Variants in MYCBP2 observed in about 807,000 individuals in gnomAD.
The protein encoded by MYCBP2 is MYC binding protein 2.
A neutral mutation model predicts 525.3 loss-of-function variants in MYCBP2; 120 were observed. The ratio of observed to expected loss-of-function variants is 0.23; its 90% CI spans 0.20 to 0.27. The LOEUF (loss-of-function observed/expected upper bound fraction) is 0.27, where lower values mean the gene tolerates loss of function less well. Ranked by LOEUF, MYCBP2 falls within the 10% of genes least tolerant of loss-of-function variation. The probability of loss-of-function intolerance (pLI) is 1.00; values close to 1 mark genes in which losing one functional copy is unlikely to be tolerated. For missense variants in MYCBP2, 4,149 were observed against 5,657.1 expected (o/e 0.73, Z 8.55); for synonymous variants, 1,894 against 1,955.8 (o/e 0.97, Z 0.83).
At chr13:77,138,675 A>G in intron 52 of MYCBP2, among the ~76,000 whole-genome samples, 1 of 152,200 alleles carries the variant, frequency 6.6e-6, no homozygotes, top group East Asian at 1.9e-4. Context: ...TCTCTCAAAG[A>G]CTAGGATTTA....
intron 55 of MYCBP2, among the ~76,000 whole-genome samples, chr13:77,108,879 ATTT>A (rs1303106280): frequency 6.6e-6 from 1 of 151,812 alleles, no homozygotes; most frequent in Non-Finnish European, 1.5e-5. Context: ...AATTTTTTGT[ATTT>A]TTAGTAGAGA....
At chr13:77,057,870 G>A (rs978991564) in intron 78 of MYCBP2, among the ~76,000 whole-genome samples, 4 of 126,782 alleles carry the variant, frequency 3.2e-5, no homozygotes, top group African/African-American at 1.2e-4. Flanking sequence ...ACAGAGTCTC[G>A]CTCTGTCACC....
intron 52 of MYCBP2, chr13:77,129,414 T>C (rs922346880): frequency 1.4e-5 from 5 of 368,978 alleles, no homozygotes; most frequent in Non-Finnish European, 2.4e-5. Flanking sequence ...TTCTGTCTGA[T>C]AAGTAAGTTT....
chr13:77,144,914 TC>T (rs886669045), intron 48 of MYCBP2, among the ~76,000 whole-genome samples: 5 of 152,162 alleles, frequency 3.3e-5, no homozygotes, highest in Non-Finnish European at 7.4e-5. Context: ...CCAAAGCTAG[TC>T]CCTCCCCTTG....
rs2039537963 is a variant in MYCBP2, at chr13:77,062,804, A to G, written c.12673-107T>C. 11 of 813,232 alleles carry G rather than the reference A, an allele frequency of 1.4e-5. No homozygotes were observed. The East Asian group carries it at 2.8e-4, about 21-fold the overall frequency. 50.4% of individuals were successfully genotyped at this position (813,232 alleles called of 1,614,324 possible). ...CAATAAATGCTGGCTGATTTTGAAAATACATAGATACTCAGTGGCACTCAA... is the reference window on the plus strand; with the variant it reads ...CAATAAATGCTGGCTGATTTTGAAAGTACATAGATACTCAGTGGCACTCAA... On this transcript the variant is annotated intron_variant, in intron 73 of 82. Transcript: ENST00000544440.
At chr13:77,110,857 C>T (rs2048700860) in intron 55 of MYCBP2, among the ~76,000 whole-genome samples, 1 of 152,150 alleles carries the variant, frequency 6.6e-6, no homozygotes. Flanking sequence ...TTGGGCAAGT[C>T]AGCAAGAATT....
intron 55 of MYCBP2, among the ~76,000 whole-genome samples, chr13:77,114,615 T>C (rs1197144040): frequency 1.3e-5 from 2 of 152,118 alleles, no homozygotes; most frequent in Non-Finnish European, 2.9e-5. Context: ...ATGTGACTTA[T>C]GAGTATAATA....
At position 77,140,887 on chromosome 13, in the gene MYCBP2, T is replaced by C; in HGVS notation, c.7360A>G (p.Thr2454Ala). 2 of 1,613,070 alleles carry C rather than the reference T, an allele frequency of 1.2e-6. No homozygotes were observed. The highest frequency in any genetic ancestry group is 1.7e-6 in the Non-Finnish European group (2 of 1,179,718). The stretch of plus-strand genomic sequence containing the variant: ...TCAGACTTTGGTTTGACCAACTGAG[T>C]TCCTGGTGGTATCATCCCTTTTGGT... Reference protein sequence around the residue: ...DPPKGMIPPGTQLVKPKSEPQ... With the variant: ...DPPKGMIPPGAQLVKPKSEPQ... The change falls in exon 50 of 83, where the codon ACT (threonine) becomes GCT (alanine). Residue 2454 changes from threonine (T) to alanine (A), a missense_variant. Coordinates refer to ENST00000544440, the MANE Select transcript of MYCBP2 (RefSeq NM_015057.5).
At chr13:77,272,558 C>T (rs1437623297) in intron 5 of MYCBP2, among the ~76,000 whole-genome samples, 2 of 152,022 alleles carry the variant, frequency 1.3e-5, no homozygotes, top group African/African-American at 4.8e-5. Context: ...AAACATTTGC[C>T]AAACCCTGAA....
rs1161954120 is a variant in MYCBP2 at position 77,313,437 on chromosome 13, G to T, written c.302+13037C>A. Reference sequence around the variant, plus strand: ...GTTGGTTCTTTGGATCACATACAAAGAAATGAATCTAGAAACAAACCTTAC... The same window carrying T: ...GTTGGTTCTTTGGATCACATACAAATAAATGAATCTAGAAACAAACCTTAC... On this transcript the variant is annotated intron_variant, in intron 1 of 82. Coordinates refer to ENST00000544440, the MANE Select transcript of MYCBP2 (RefSeq NM_015057.5). Among the ~76,000 whole-genome samples, 3 of 152,050 alleles carry T rather than the reference G, an allele frequency of 2.0e-5. No homozygotes were observed. In the East Asian group the frequency reaches 5.8e-4, roughly 29 times the overall value.
At chr13:77,048,931 T>C (rs529769977) in intron 82 of MYCBP2, among the ~76,000 whole-genome samples, 4 of 152,214 alleles carry the variant, frequency 2.6e-5, no homozygotes, top group Admixed American at 2.6e-4. Context: ...GAGGAAACTT[T>C]AAGTAAAATC....
chr13:77,151,022 T>C, intron 46 of MYCBP2, 73 bp from the exon 47 acceptor site: 1 of 1,170,346 alleles, frequency 8.5e-7, no homozygotes, highest in Non-Finnish European at 1.3e-6. Flanking sequence ...AGCAACTTAC[T>C]ATTATAAACT....
At chr13:77,072,764 T>C (rs930061517) in intron 68 of MYCBP2, among the ~76,000 whole-genome samples, 2 of 152,092 alleles carry the variant, frequency 1.3e-5, no homozygotes, top group African/African-American at 2.4e-5. Flanking sequence ...ATCCAGAAAC[T>C]TAGATGAAAT....
In MYCBP2 at chr13:77,257,728, C is replaced by T; in HGVS notation, c.2119G>A (p.Val707Ile). 3.7e-6 allele frequency: 6 copies of T among 1,613,238 alleles called. No homozygotes were observed. Among genetic ancestry groups the T allele is most frequent in the Non-Finnish European group, 5.1e-6 (6 of 1,179,620 alleles). Residue 707 changes from valine to isoleucine, a missense_variant, in exon 14 of 83, where the codon GTA becomes ATA. Around this residue, in one of 21 missense-constraint regions of MYCBP2, gnomAD observed 262 missense variants for 419.3 expected, o/e 0.62. Transcript: ENST00000544440. ...CGTCCACACTGTCCTTTATTATTTACACCAAATGTCCACACCTCTCCATTC... is the reference window on the plus strand; with the variant it reads ...CGTCCACACTGTCCTTTATTATTTATACCAAATGTCCACACCTCTCCATTC... ...MKNGEVWTFG[V>I]NNKGQCGRDT...
Position 77,081,319 on chromosome 13 carries a change from G to T in MYCBP2, c.11418+108C>A. Reference sequence around the variant, plus strand: ...GGGATTATAGCAATGATGTTTGGTTGGTGAAATTCCAGGTGATAAAGCTTG... The same window carrying T: ...GGGATTATAGCAATGATGTTTGGTTTGTGAAATTCCAGGTGATAAAGCTTG... On this transcript the variant is annotated intron_variant, in intron 65 of 82. Transcript: ENST00000544440. This position sits in a 1 kb window ranked among gnomAD's most constrained non-coding sequence, Gnocchi z 4.6. 3.4e-6 allele frequency: 3 copies of T among 892,424 alleles called. No individual in the cohort carries two copies. In the South Asian group the frequency reaches 4.9e-5, roughly 15 times the overall value. 55.3% of individuals were successfully genotyped at this position (892,424 alleles called of 1,614,324 possible). A position where few individuals can be genotyped will look rare whatever the true frequency, so the allele number is the denominator to read the frequency against.
chr13:77,305,643 G>A (rs1171777177), intron 1 of MYCBP2, among the ~76,000 whole-genome samples: 1 of 151,974 alleles, frequency 6.6e-6, no homozygotes, highest in Non-Finnish European at 1.5e-5. Flanking sequence ...ATAAAAGGGT[G>A]AATTTATGGT....
intron 5 of MYCBP2, among the ~76,000 whole-genome samples, chr13:77,273,047 T>C (rs2075093023): frequency 1.3e-5 from 2 of 152,136 alleles, no homozygotes; most frequent in Admixed American, 1.3e-4. Context: ...AATCAATTCA[T>C]AAAAAAATCA....
chr13:77,114,899 T>G (rs2049452066), intron 55 of MYCBP2, among the ~76,000 whole-genome samples: 1 of 151,988 alleles, frequency 6.6e-6, no homozygotes, highest in South Asian at 2.1e-4. Flanking sequence ...GAACAGTAGG[T>G]AGAAAGTGAT....
chr13:77,233,776 A>G (rs1250939455), intron 17 of MYCBP2, among the ~76,000 whole-genome samples: 2 of 152,050 alleles, frequency 1.3e-5, no homozygotes, highest in African/African-American at 4.8e-5. Flanking sequence ...TTTACTACAA[A>G]TCATAAATAG....
Sources: allele counts gnomAD v4.1 joint callset (sites outside exome capture counted in the v4.1 genomes callset), GRCh38; gene constraint gnomAD v4.1.1; regional missense constraint gnomAD v4.1.1; non-coding constraint Gnocchi (gnomAD v3.1); transcripts MANE v1.5; gene names NCBI Gene and HGNC (gene_info 2026-07-23, HGNC 2026-07-21).